ARIH2: variants seen among roughly 807,000 people sequenced by gnomAD.
ARIH2 encodes E3 ubiquitin-protein ligase ARIH2.
A neutral mutation model predicts 79.8 loss-of-function variants in ARIH2; 12 were observed. The ratio of observed to expected loss-of-function variants is 0.15; its 90% CI spans 0.10 to 0.24. The LOEUF is 0.24. Ranked by LOEUF, ARIH2 falls within the 10% of genes least tolerant of loss-of-function variation. The pLI is 1.00. For missense variants in ARIH2, 301 were observed against 618.3 expected (o/e 0.49, Z 5.44); for synonymous variants, 224 against 213.9 (o/e 1.05, Z -0.41).
At chr3:48,980,053 A>G (rs2092695915) in intron 12 of ARIH2, 2 of 265,070 alleles carry the variant, frequency 7.5e-6, no homozygotes, top group African/African-American at 2.2e-5. Flanking sequence ...TAGAAGCCCA[A>G]AGAGCCCCAT....
chr3:48,924,748 G>A (rs887746926), intron 2 of ARIH2: 1 of 152,114 alleles, frequency 6.6e-6, no homozygotes, highest in African/African-American at 2.4e-5. Flanking sequence ...CCAGGCTGGA[G>A]TGCAGTGGTG....
intron 2 of ARIH2, 36 bp from the exon 3 acceptor site, chr3:48,927,426 G>C: frequency 8.7e-7 from 1 of 1,150,082 alleles, no homozygotes; most frequent in Non-Finnish European, 1.2e-6. Context: ...TTGTCATGGG[G>C]AAAAAGTAAC....
intron 5 of ARIH2, 103 bp from the exon 6 acceptor site, chr3:48,967,022 T>G: frequency 8.0e-7 from 1 of 1,255,266 alleles, no homozygotes; most frequent in South Asian, 1.4e-5. Flanking sequence ...TGATACTTGT[T>G]GCAGGGTGAG....
intron 11 of ARIH2, among the ~76,000 whole-genome samples, chr3:48,976,811 C>T (rs2092527028): frequency 6.6e-6 from 1 of 151,958 alleles, no homozygotes; most frequent in South Asian, 2.1e-4. Context: ...TGCCATCTCA[C>T]GAGAATCACT....
chr3:48,918,957 C>A lies in ARIH2; in HGVS notation c.-203C>A. 2 of 1,513,572 alleles carry A rather than the reference C, an allele frequency of 1.3e-6. No homozygotes were observed. The highest frequency in any genetic ancestry group is 1.3e-5 in the South Asian group (1 of 79,066). 93.8% of individuals were successfully genotyped at this position (1,513,572 alleles called of 1,614,324 possible). On this transcript the variant is annotated 5_prime_UTR_variant, in exon 1 of 16. The change creates a new upstream start codon in the 5' untranslated region. Coordinates refer to ENST00000356401, the MANE Select transcript of ARIH2 (RefSeq NM_006321.4). ...TCCCTCTGGCCCGGCCTGACCCGGT[C>A]TGGCTTGTTCGGGCTCAGCGGCCGC...
intron 3 of ARIH2, among the ~76,000 whole-genome samples, chr3:48,947,483 T>G (rs1576313246): frequency 1.3e-5 from 2 of 151,580 alleles, no homozygotes; most frequent in South Asian, 4.2e-4. Flanking sequence ...GAGAATATTG[T>G]AAAGTTATCA....
intron 5 of ARIH2, among the ~76,000 whole-genome samples, chr3:48,965,399 A>C (rs561523443): frequency 1.3e-5 from 2 of 152,170 alleles, no homozygotes; most frequent in Non-Finnish European, 2.9e-5. Context: ...TTATAGTTCA[A>C]CATGCCCACA....
intron 2 of ARIH2, among the ~76,000 whole-genome samples, chr3:48,923,187 A>G (rs1377455135): frequency 6.6e-6 from 1 of 151,820 alleles, no homozygotes; most frequent in Non-Finnish European, 1.5e-5. Flanking sequence ...AGCCTGGGCG[A>G]CAGAGCGAGA....
At chr3:48,970,447 T>G (rs1428026515) in intron 7 of ARIH2, 148 bp from the exon 8 acceptor site, 1 of 600,228 alleles carries the variant, frequency 1.7e-6, no homozygotes, top group Non-Finnish European at 3.0e-6. Context: ...GGCTTACGTT[T>G]GGTCTTCACA....
chr3:48,977,310 G>GT (rs2092561687), intron 11 of ARIH2, among the ~76,000 whole-genome samples: 1 of 151,780 alleles, frequency 6.6e-6, no homozygotes, highest in Non-Finnish European at 1.5e-5. Flanking sequence ...GTTTTGTTTC[G>GT]TTTTTTGAGA....
chr3:48,936,551 G>A (rs940842819), intron 3 of ARIH2, among the ~76,000 whole-genome samples: 4 of 151,974 alleles, frequency 2.6e-5, no homozygotes, highest in Non-Finnish European at 4.4e-5. Context: ...TAGCTAACAT[G>A]GTGAAACCCT....
chr3:48,950,146 A>G (rs888616633), intron 3 of ARIH2, among the ~76,000 whole-genome samples: 1 of 152,148 alleles, frequency 6.6e-6, no homozygotes, highest in African/African-American at 2.4e-5. Flanking sequence ...TTTGTTATGT[A>G]TAAACAATTA....
At chr3:48,946,616 A>G (rs1235414026) in intron 3 of ARIH2, among the ~76,000 whole-genome samples, 2 of 152,098 alleles carry the variant, frequency 1.3e-5, no homozygotes, top group Non-Finnish European at 2.9e-5. Context: ...TGTAAATGCA[A>G]TGGCAAAACA....
At chr3:48,968,792 A>C (rs1371949749) in intron 7 of ARIH2, 137 bp downstream of exon 7, 1 of 1,230,114 alleles carries the variant, frequency 8.1e-7, no homozygotes, top group African/African-American at 1.5e-5. Context: ...GCTTTAAAAA[A>C]AGTTTGAAAA....
chr3:48,924,266 A>G (rs919496543), intron 2 of ARIH2, among the ~76,000 whole-genome samples: 1 of 151,830 alleles, frequency 6.6e-6, no homozygotes, highest in Non-Finnish European at 1.5e-5. Flanking sequence ...AAGTGTGGGG[A>G]TTATGATACA....
chr3:48,949,048 T>C, intron 3 of ARIH2: 2 of 456,732 alleles, frequency 4.4e-6, no homozygotes, highest in South Asian at 3.1e-5. Context: ...GCCATGTGTT[T>C]TCATTTCTCT....
At position 48,983,017 on chromosome 3, in the gene ARIH2, G is replaced by T. The variant is rs1033507678; in HGVS notation, c.1410+38G>T. ...TGTCCTCTTGGATTCTATATTGCAG[G>T]TAGAGGACTGGCATGGTAATAGGTG... On this transcript the variant is annotated intron_variant, in intron 15 of 15. Transcript: ENST00000356401. The T allele has an allele frequency of 5.0e-6, 8 of 1,585,416 alleles. No individual in the cohort carries two copies. In the African/African-American group the frequency reaches 5.4e-5, roughly 11 times the overall value.
rs2092899293 is a variant in ARIH2, at chr3:48,986,325, A to T, written c.*3055A>T. ...GGGAACATAGAAGGAATTGATCACT[A>T]GTGAATGTTTGTTTTTTGTTTTGAG... is the stretch of plus-strand genomic sequence containing the variant. On this transcript the variant is annotated 3_prime_UTR_variant, in exon 16 of 16. Transcript: ENST00000356401. The T allele has an allele frequency of 6.6e-6, 1 of 152,216 alleles. No individual in the cohort carries two copies. The highest frequency in any genetic ancestry group is 1.5e-5 in the Non-Finnish European group (1 of 68,064). 9.4% of individuals were successfully genotyped at this position (152,216 alleles called of 1,614,324 possible).
At chr3:48,969,372 A>G (rs1472021373) in intron 7 of ARIH2, among the ~76,000 whole-genome samples, 1 of 152,018 alleles carries the variant, frequency 6.6e-6, no homozygotes, top group African/African-American at 2.4e-5. Context: ...TTTTTGAGTA[A>G]TTGGAAAACT....
Sources: gnomAD v4.1 joint callset for allele counts (sites outside exome capture counted in the v4.1 genomes callset) on GRCh38, gnomAD v4.1.1 for gene constraint, MANE v1.5 for transcripts, NCBI Gene and HGNC (gene_info 2026-07-23, HGNC 2026-07-21) for gene names.